Variants in AK5 observed in about 807,000 individuals in gnomAD.
AK5 encodes adenylate kinase isoenzyme 5.
Under a neutral mutation model 69.5 loss-of-function variants are expected in AK5, and 27 were observed. The observed-to-expected ratio is 0.39, with a 90% CI of 0.29 to 0.54. The LOEUF (loss-of-function observed/expected upper bound fraction) is 0.54. Among genes scored for constraint, AK5 ranks in the 20% least tolerant of loss-of-function variants. The pLI is 0.71. For missense variants in AK5, 531 were observed against 700.4 expected (o/e 0.76, Z 2.73); for synonymous variants, 260 against 244.4 (o/e 1.06, Z -0.60).
intron 12 of AK5, among the ~76,000 whole-genome samples, chr1:77,526,251 G>A (rs541658605): frequency 2.6e-5 from 4 of 152,158 alleles, no homozygotes; most frequent in Admixed American, 2.6e-4. Context: ...TGGTACAAAC[G>A]TTGAGAAGCT....
chr1:77,290,296 G>T (rs1240059298), intron 2 of AK5, among the ~76,000 whole-genome samples: 2 of 152,172 alleles, frequency 1.3e-5, no homozygotes, highest in Non-Finnish European at 2.9e-5. Flanking sequence ...TAGCTATAAT[G>T]TGTGGAATAG....
intron 13 of AK5, among the ~76,000 whole-genome samples, chr1:77,536,365 G>A (rs1313239271): frequency 1.3e-5 from 2 of 152,154 alleles, no homozygotes; most frequent in Non-Finnish European, 2.9e-5. Context: ...GACGTGGGAG[G>A]ATTGCTTGAG....
rs140191031 is a variant in AK5, at chr1:77,392,178, G to A, written c.892-18803G>A. Among the ~76,000 whole-genome samples the A allele has an allele frequency of 8.7e-4, 132 of 152,308 alleles. No individual in the cohort carries two copies. The East Asian group carries it at 0.015, about 17-fold the overall frequency. ...AAATTGATTATGTTTAGGCCTGCCT[G>A]TAGTTTAAAATATACTATGAGTATT... is the stretch of plus-strand genomic sequence containing the variant. On this transcript the variant is annotated intron_variant, in intron 6 of 13. Transcript: ENST00000354567.
intron 5 of AK5, chr1:77,313,977 T>C (rs1295640868): frequency 2.2e-6 from 1 of 460,308 alleles, no homozygotes; most frequent in Non-Finnish European, 4.5e-6. Context: ...GAGCTGGCTA[T>C]TTGCTTGATG....
At chr1:77,406,049 A>G (rs191102335) in intron 6 of AK5, among the ~76,000 whole-genome samples, 14 of 152,308 alleles carry the variant, frequency 9.2e-5, no homozygotes, top group African/African-American at 3.4e-4. Context: ...TCAAAAGTTC[A>G]AGGAAAAATA....
At chr1:77,283,752 G>T (rs7517717) in intron 1 of AK5, 23,500 of 466,098 alleles carry the variant, frequency 0.05, 924 homozygotes, top group East Asian at 0.18. Context: ...TGTTTTTTTT[G>T]TTTGTTTTTA....
At chr1:77,316,730 A>G (rs916007082) in intron 5 of AK5, among the ~76,000 whole-genome samples, 5 of 152,204 alleles carry the variant, frequency 3.3e-5, no homozygotes, top group African/African-American at 1.2e-4. Context: ...CTTGTTTATA[A>G]TTATTTAATA....
At chr1:77,494,805 G>C (rs1370956753) in intron 10 of AK5, among the ~76,000 whole-genome samples, 1 of 149,012 alleles carries the variant, frequency 6.7e-6, no homozygotes, top group Non-Finnish European at 1.5e-5. Context: ...TTTTTGAGAC[G>C]GAGTCTTGCT....
intron 10 of AK5, among the ~76,000 whole-genome samples, chr1:77,506,376 T>A (rs1221055427): frequency 6.6e-6 from 1 of 152,104 alleles, no homozygotes; most frequent in Non-Finnish European, 1.5e-5. Flanking sequence ...CTTGTCTGTG[T>A]CTCTGTTCAG....
chr1:77,335,911 C>CT (rs1453148870), intron 5 of AK5, among the ~76,000 whole-genome samples: 1 of 152,092 alleles, frequency 6.6e-6, no homozygotes, highest in Non-Finnish European at 1.5e-5. Flanking sequence ...GGCCTGCTTC[C>CT]TGGTTCATAG....
intron 6 of AK5, among the ~76,000 whole-genome samples, chr1:77,410,412 G>A (rs556016242): frequency 6.6e-5 from 10 of 151,980 alleles, no homozygotes; most frequent in African/African-American, 2.4e-4. Flanking sequence ...CTAGTAGCTG[G>A]GACTACAGGC....
chr1:77,534,809 T>A (rs1232051669), intron 12 of AK5, among the ~76,000 whole-genome samples: 1 of 152,220 alleles, frequency 6.6e-6, no homozygotes, highest in Non-Finnish European at 1.5e-5. Context: ...CACTCCAGCC[T>A]GGGCATCAGA....
intron 8 of AK5, among the ~76,000 whole-genome samples, chr1:77,467,588 T>C (rs558905399): frequency 6.6e-6 from 1 of 152,334 alleles, no homozygotes; most frequent in South Asian, 2.1e-4. Flanking sequence ...CTAAAATATA[T>C]ACTAATGTGT....
intron 6 of AK5, among the ~76,000 whole-genome samples, chr1:77,341,743 T>C (rs557869827): frequency 6.6e-6 from 1 of 152,314 alleles, no homozygotes; most frequent in African/African-American, 2.4e-5. Flanking sequence ...AGTTGTCATG[T>C]CGCAGAGTTG....
intron 13 of AK5, among the ~76,000 whole-genome samples, chr1:77,544,389 A>G (rs1659432013): frequency 6.6e-6 from 1 of 152,212 alleles, no homozygotes; most frequent in Admixed American, 6.5e-5. Flanking sequence ...GCTTACTATA[A>G]CCTTTTTACT....
chr1:77,470,571 A>G (rs1210644182), intron 8 of AK5, among the ~76,000 whole-genome samples: 1 of 152,080 alleles, frequency 6.6e-6, no homozygotes, highest in Non-Finnish European at 1.5e-5. Context: ...ACTGCATGTA[A>G]GAATAAAGAA....
At chr1:77,323,082 G>A (rs1053143711) in intron 5 of AK5, among the ~76,000 whole-genome samples, 5 of 151,890 alleles carry the variant, frequency 3.3e-5, no homozygotes, top group African/African-American at 1.2e-4. Context: ...CCACCTCCCA[G>A]GTTCAAGCAG....
At chr1:77,314,060 A>C in intron 5 of AK5, 1 of 364,048 alleles carries the variant, frequency 2.7e-6, no homozygotes, top group Non-Finnish European at 5.4e-6. Flanking sequence ...ACATATATTG[A>C]GAATTTGCTA....
At chr1:77,444,018 A>G (rs1383344785) in intron 8 of AK5, among the ~76,000 whole-genome samples, 1 of 150,892 alleles carries the variant, frequency 6.6e-6, no homozygotes, top group African/African-American at 2.4e-5. Flanking sequence ...TATAGTCCTC[A>G]TGTTGTACAT....
Sources: gnomAD v4.1 joint callset for allele counts (sites outside exome capture counted in the v4.1 genomes callset) on GRCh38, gnomAD v4.1.1 for gene constraint, MANE v1.5 for transcripts, NCBI Gene and HGNC (gene_info 2026-07-23, HGNC 2026-07-21) for gene names.